The following PTPRN2 variants were observed in gnomAD, a reference collection of about 807,000 sequenced individuals.
The protein encoded by PTPRN2 is protein tyrosine phosphatase receptor type N2.
In PTPRN2, 74 loss-of-function variants were observed where a neutral mutation model predicts 118.8. The observed-to-expected ratio is 0.62, with a 90% CI of 0.52 to 0.76. PTPRN2 has a LOEUF of 0.76. Ranked by LOEUF, PTPRN2 falls within the 30% of genes least tolerant of loss-of-function variation. The pLI is 0.00. For missense variants in PTPRN2, 1,481 were observed against 1,394.4 expected (o/e 1.06, Z -0.99); for synonymous variants, 641 against 608.0 (o/e 1.05, Z -0.80).
intron 12 of PTPRN2, among the ~76,000 whole-genome samples, chr7:157,875,707 T>C (rs6957178): frequency 0.3 from 44,846 of 150,944 alleles, 8,859 homozygotes; most frequent in African/African-American, 0.56. Flanking sequence ...CAGGAGGGGC[T>C]GAGTCCCCAG....
rs533537092 is a variant in PTPRN2, at chr7:157,928,295, G to A, written c.1724-29558C>T. The stretch of plus-strand genomic sequence containing the variant: ...GGCTTGGGTGGTCCTTAGTAGAGCG[G>A]GCGGCATCAGGCCTCTCTGCTCTTG... On this transcript the variant is annotated intron_variant, in intron 11 of 22. Coordinates refer to ENST00000389418, the MANE Select transcript of PTPRN2 (RefSeq NM_002847.5). Among the ~76,000 whole-genome samples, 8 of 152,250 alleles carry A rather than the reference G, an allele frequency of 5.3e-5. No individual in the cohort carries two copies. In the East Asian group the frequency reaches 1.6e-3, roughly 30 times the overall value.
At chr7:158,379,235 G>A (rs544457914) in intron 2 of PTPRN2, among the ~76,000 whole-genome samples, 53 of 152,306 alleles carry the variant, frequency 3.5e-4, no homozygotes, top group African/African-American at 9.1e-4. Flanking sequence ...AAGGGGCTGC[G>A]GACCCCAGGG....
At chr7:158,475,912 A>C (rs765746919) in intron 2 of PTPRN2, among the ~76,000 whole-genome samples, 6 of 152,198 alleles carry the variant, frequency 3.9e-5, no homozygotes, top group Non-Finnish European at 7.3e-5. Flanking sequence ...CTTTCCTTAA[A>C]GTCCTGACTT....
intron 3 of PTPRN2, among the ~76,000 whole-genome samples, chr7:158,292,178 C>T (rs532143474): frequency 2.7e-4 from 41 of 152,282 alleles, no homozygotes; most frequent in African/African-American, 8.7e-4. Context: ...CTTCCAGTTC[C>T]GATAGGTCTC....
intron 12 of PTPRN2, among the ~76,000 whole-genome samples, chr7:157,741,655 A>C (rs565475373): frequency 1.5e-4 from 23 of 152,224 alleles, no homozygotes; most frequent in African/African-American, 5.5e-4. Flanking sequence ...CTGGGAGGTC[A>C]GTTTTACTGG....
chr7:158,503,129 A>AACTACTGTGTCCATC (rs1822493512), intron 1 of PTPRN2, among the ~76,000 whole-genome samples: 2 of 85,804 alleles, frequency 2.3e-5, no homozygotes, highest in Non-Finnish European at 5.0e-5. Flanking sequence ...CTGTGTCCAT[A>AACTACTGTGTCCATC]AGCCACTGTG....
At chr7:158,564,326 T>C (rs773584918) in intron 1 of PTPRN2, among the ~76,000 whole-genome samples, 4 of 152,254 alleles carry the variant, frequency 2.6e-5, no homozygotes, top group Non-Finnish European at 4.4e-5. Flanking sequence ...AGTAAGTTTG[T>C]AAGGAAAATT....
At chr7:158,186,664 G>A (rs556364852) in intron 5 of PTPRN2, among the ~76,000 whole-genome samples, 7 of 145,540 alleles carry the variant, frequency 4.8e-5, no homozygotes, top group South Asian at 4.5e-4. Flanking sequence ...TGGCATGAGC[G>A]CGCCTGGGCC....
At chr7:157,884,155 C>G (rs1003845414) in intron 12 of PTPRN2, among the ~76,000 whole-genome samples, 4 of 150,948 alleles carry the variant, frequency 2.6e-5, no homozygotes, top group African/African-American at 9.9e-5. Flanking sequence ...ACAGAACATA[C>G]CACCCCAAAA....
chr7:157,574,166 TC>T (rs1799897522), intron 19 of PTPRN2, among the ~76,000 whole-genome samples: 11 of 152,110 alleles, frequency 7.2e-5, no homozygotes, highest in Non-Finnish European at 1.5e-4. Flanking sequence ...AAAGTTGGTA[TC>T]ATAGAAACTT....
chr7:158,456,490 C>T (rs1029312203), intron 2 of PTPRN2, among the ~76,000 whole-genome samples: 60 of 150,668 alleles, frequency 4.0e-4, no homozygotes, highest in Non-Finnish European at 6.9e-4. Context: ...CATTGCTCTG[C>T]AGAGAACATA....
intron 6 of PTPRN2, among the ~76,000 whole-genome samples, chr7:158,149,521 C>G (rs924848009): frequency 1.3e-5 from 2 of 151,904 alleles, no homozygotes; most frequent in Non-Finnish European, 2.9e-5. Flanking sequence ...AAGATAAGCC[C>G]GGCTGGGCGC....
intron 12 of PTPRN2, among the ~76,000 whole-genome samples, chr7:157,835,379 C>T (rs1267676038): frequency 2.0e-5 from 3 of 152,190 alleles, no homozygotes; most frequent in African/African-American, 7.2e-5. Context: ...GAAATTAAAA[C>T]TACAATAGCA....
chr7:157,980,086 G>A (rs1803022528), intron 11 of PTPRN2, among the ~76,000 whole-genome samples: 1 of 152,188 alleles, frequency 6.6e-6, no homozygotes, highest in African/African-American at 2.4e-5. Context: ...ATTTCATTAA[G>A]TTTCAGTGAC....
chr7:158,527,828 C>T (rs1824906545), intron 1 of PTPRN2, among the ~76,000 whole-genome samples: 1 of 152,216 alleles, frequency 6.6e-6, no homozygotes, highest in African/African-American at 2.4e-5. Flanking sequence ...GTCTTCCTGC[C>T]CCGTATCCCA....
intron 11 of PTPRN2, among the ~76,000 whole-genome samples, chr7:157,915,458 C>G (rs987503387): frequency 2.0e-5 from 3 of 150,504 alleles, no homozygotes; most frequent in Non-Finnish European, 4.4e-5. Context: ...CCGCCTTCCC[C>G]GCCACACACA....
Position 157,869,055 on chromosome 7 carries a change from T to A in PTPRN2, c.1788+29618A>T, listed in dbSNP as rs1810896524. On this transcript the variant is annotated intron_variant, in intron 12 of 22. Transcript: ENST00000389418. The surrounding 1 kb of genome is among the most constrained non-coding windows in gnomAD (Gnocchi z 4.2). The stretch of plus-strand genomic sequence containing the variant: ...ACCCTGACACGTGTAATTCCAAATC[T>A]GTAAGTACTAAGTTTTAAAATGCGT... The A allele has an allele frequency of 6.6e-6, 1 of 152,228 alleles. No individual in the cohort carries two copies. The highest frequency in any genetic ancestry group is 2.1e-4 in the South Asian group (1 of 4,828). The allele number at this position is 152,228 out of a possible 1,614,324, so 9.4% of individuals were successfully genotyped here.
intron 2 of PTPRN2, among the ~76,000 whole-genome samples, chr7:158,342,654 C>A (rs189254770): frequency 1.7e-4 from 26 of 152,290 alleles, no homozygotes; most frequent in African/African-American, 6.3e-4. Context: ...TCAGTCAGTC[C>A]TTATGATAAC....
rs2151012126 is a variant in PTPRN2 at position 157,764,039 on chromosome 7, C to A, written c.1789-81102G>T. ...TGGAGCATGTGGAGGCTAGGAGAGG[C>A]CATGCACGCACCCTCTAGGATGGCC... On this transcript the variant is annotated intron_variant, in intron 12 of 22. Transcript: ENST00000389418. This position sits in a 1 kb window ranked among gnomAD's most constrained non-coding sequence, Gnocchi z 4.5. Among the ~76,000 whole-genome samples the A allele has an allele frequency of 6.6e-6, 1 of 152,282 alleles. No homozygotes were observed. Among genetic ancestry groups the A allele is most frequent in the African/African-American group, 2.4e-5 (1 of 41,544 alleles).
Sources: allele counts gnomAD v4.1 joint callset (sites outside exome capture counted in the v4.1 genomes callset), GRCh38; gene constraint gnomAD v4.1.1; non-coding constraint Gnocchi (gnomAD v3.1); transcripts MANE v1.5; gene names NCBI Gene and HGNC (gene_info 2026-07-23, HGNC 2026-07-21).